ST3GAL3: variants seen among roughly 807,000 people sequenced by gnomAD.
The protein encoded by ST3GAL3 is ST3 beta-galactoside alpha-2,3-sialyltransferase 3.
A neutral mutation model predicts 50.1 loss-of-function variants in ST3GAL3; 21 were observed. The ratio of observed to expected loss-of-function variants is 0.42; its 90% confidence interval spans 0.30 to 0.60. The LOEUF (loss-of-function observed/expected upper bound fraction) is 0.60. Ranked by LOEUF, ST3GAL3 falls within the 20% of genes least tolerant of loss-of-function variation. The pLI is 0.19. For missense variants in ST3GAL3, 353 were observed against 489.4 expected, an observed-to-expected ratio of 0.72 and a Z score of 2.63; for synonymous variants, 183 against 190.0, an observed-to-expected ratio of 0.96 and a Z score of 0.30.
chr1:43,862,072 AG>A (rs1262819759), intron 5 of ST3GAL3, among the ~76,000 whole-genome samples: 2 of 151,330 alleles, frequency 1.3e-5, no homozygotes, highest in Non-Finnish European at 2.9e-5. Flanking sequence ...CTTTTACTTC[AG>A]TGAGTAACTT....
chr1:43,773,109 T>C (rs1364296389), intron 2 of ST3GAL3, among the ~76,000 whole-genome samples: 1 of 152,178 alleles, frequency 6.6e-6, no homozygotes, highest in African/African-American at 2.4e-5. Flanking sequence ...TTTTGAATGC[T>C]CTGATAAGTG....
chr1:43,728,873 A>G (rs1674292568), intron 1 of ST3GAL3, among the ~76,000 whole-genome samples: 1 of 152,104 alleles, frequency 6.6e-6, no homozygotes, highest in African/African-American at 2.4e-5. Flanking sequence ...ATATACACAC[A>G]CACACATATA....
intron 5 of ST3GAL3, among the ~76,000 whole-genome samples, chr1:43,888,118 A>G (rs896819902): frequency 2.6e-5 from 4 of 152,328 alleles, no homozygotes; most frequent in African/African-American, 7.2e-5. Context: ...ATAGTCTTAG[A>G]AGAGGTAAAG....
intron 3 of ST3GAL3, among the ~76,000 whole-genome samples, chr1:43,804,514 C>A (rs957480214): frequency 1.3e-5 from 2 of 152,058 alleles, no homozygotes; most frequent in Non-Finnish European, 2.9e-5. Context: ...AGCAGACAGA[C>A]GCCAGTGACT....
At chr1:43,749,735 A>G (rs1417419105) in intron 2 of ST3GAL3, among the ~76,000 whole-genome samples, 1 of 152,182 alleles carries the variant, frequency 6.6e-6, no homozygotes, top group African/African-American at 2.4e-5. Flanking sequence ...CCCCAGTGCA[A>G]CAGTGTTGGG....
chr1:43,849,884 T>C (rs972799850), intron 5 of ST3GAL3, among the ~76,000 whole-genome samples: 14 of 152,310 alleles, frequency 9.2e-5, no homozygotes, highest in African/African-American at 3.1e-4. Context: ...AGAGTGGCAG[T>C]GTGTACAAGC....
At chr1:43,719,113 C>A (rs575246061) in intron 1 of ST3GAL3, 1 of 152,340 alleles carries the variant, frequency 6.6e-6, no homozygotes, top group South Asian at 2.1e-4. Context: ...ACTGACTACT[C>A]ATCTTGCAGG....
At chr1:43,760,255 G>A (rs964760910) in intron 2 of ST3GAL3, among the ~76,000 whole-genome samples, 20 of 152,166 alleles carry the variant, frequency 1.3e-4, no homozygotes, top group Non-Finnish European at 2.9e-4. Context: ...GTGAAGACTA[G>A]AATTCTGAAA....
At position 43,718,185 on chromosome 1, in the gene ST3GAL3, C is replaced by CTTTTT. The variant is rs57506461; in HGVS notation, c.-31+10510_-31+10514dup. Among the ~76,000 whole-genome samples the CTTTTT allele has an allele frequency of 6.9e-3, 575 of 83,298 alleles. 18 individuals are homozygous for CTTTTT. The highest frequency in any genetic ancestry group is 0.01 in the Non-Finnish European group (467 of 46,216). The allele number at this position is 83,298 out of a possible 152,430, so 54.6% of individuals were successfully genotyped here. A position where few individuals can be genotyped will look rare whatever the true frequency, so the allele number is the denominator to read the frequency against. ...ACCACGCCCGGCTCTATCATTAAAT[C>CTTTTT]TTTTTTTTTTTTTTTTTTTTTTGAG... On this transcript the variant is annotated intron_variant, in intron 1 of 11. Transcript: ENST00000347631.
chr1:43,721,871 G>C lies in ST3GAL3; in HGVS notation c.-31+14178G>C, dbSNP rs183450324. On this transcript the variant is annotated intron_variant, in intron 1 of 11. Coordinates refer to ENST00000347631, the MANE Select transcript of ST3GAL3 (RefSeq NM_006279.5). ...CTGCCTTGGCCTCCCAAAGTGCTGG[G>C]CTTACAGGCGTGAGCCACATACCCG... Among the ~76,000 whole-genome samples, 69 of 152,130 alleles carry C rather than the reference G, an allele frequency of 4.5e-4. 2 individuals carry two copies. The East Asian group carries it at 0.012, about 27-fold the overall frequency.
intron 9 of ST3GAL3, among the ~76,000 whole-genome samples, chr1:43,901,155 T>C (rs1414712068): frequency 6.6e-6 from 1 of 152,218 alleles, no homozygotes; most frequent in Non-Finnish European, 1.5e-5. Context: ...TGGTAGGAAA[T>C]AGAGTCTGTC....
At position 43,921,054 on chromosome 1, in the gene ST3GAL3, A is replaced by G. The variant is rs1425634484; in HGVS notation, c.1038+126A>G. On this transcript the variant is annotated intron_variant, in intron 11 of 11. Coordinates refer to ENST00000347631, the MANE Select transcript of ST3GAL3 (RefSeq NM_006279.5). ...AACTCCCCAGAAGGTCCTGACACCA[A>G]GCATCCTACGTGCCCTCTCCACAGC... The G allele has an allele frequency of 3.5e-6, 4 of 1,159,118 alleles. No homozygotes were observed. In the Admixed American group the frequency reaches 6.2e-5, roughly 18 times the overall value. The allele number at this position is 1,159,118 out of a possible 1,614,324, so 71.8% of individuals were successfully genotyped here. A position where few individuals can be genotyped will look rare whatever the true frequency, so the allele number is the denominator to read the frequency against.
At chr1:43,894,264 A>G (rs780047984) in intron 5 of ST3GAL3, 119 bp from the exon 6 acceptor site, 10 of 957,134 alleles carry the variant, frequency 1.0e-5, no homozygotes, top group Non-Finnish European at 1.5e-5. Flanking sequence ...GGAGGGGGGT[A>G]TGCCGGAATG....
intron 4 of ST3GAL3, among the ~76,000 whole-genome samples, chr1:43,823,959 G>GT (rs1453935374): frequency 6.6e-6 from 1 of 152,136 alleles, no homozygotes; most frequent in Admixed American, 6.5e-5. Context: ...TTAGCTTTCT[G>GT]TTTTTTCCAA....
chr1:43,710,239 A>G lies in ST3GAL3; in HGVS notation c.-31+2546A>G, dbSNP rs181537899. The stretch of plus-strand genomic sequence containing the variant: ...TGGGACGACAGGCGTGTGCCACCAC[A>G]CCCGGCTAATTTTTGTATTTTTAAT... On this transcript the variant is annotated intron_variant, in intron 1 of 11. Transcript: ENST00000347631. 6.6e-3 allele frequency among the ~76,000 whole-genome samples: 1,008 copies of G among 152,172 alleles called. 4 individuals carry two copies. Among genetic ancestry groups the G allele is most frequent in the Non-Finnish European group, 0.011 (774 of 68,008 alleles).
intron 2 of ST3GAL3, among the ~76,000 whole-genome samples, chr1:43,760,504 C>T (rs1689864511): frequency 6.6e-6 from 1 of 152,170 alleles, no homozygotes; most frequent in South Asian, 2.1e-4. Context: ...GCCTGTAATC[C>T]CAGCACTTTG....
intron 4 of ST3GAL3, among the ~76,000 whole-genome samples, chr1:43,834,044 T>G (rs1487888449): frequency 6.6e-6 from 1 of 151,844 alleles, no homozygotes; most frequent in Non-Finnish European, 1.5e-5. Flanking sequence ...GCCTGTAACC[T>G]CAGCTTCTCG....
intron 5 of ST3GAL3, among the ~76,000 whole-genome samples, chr1:43,870,340 C>T (rs1005754353): frequency 6.6e-6 from 1 of 152,228 alleles, no homozygotes; most frequent in Non-Finnish European, 1.5e-5. Flanking sequence ...ATCCCATGAG[C>T]CCTGTTGAAT....
At chr1:43,765,796 CGCGCGTCCGCGCGTCCGCGT>C (rs1203071359) in intron 2 of ST3GAL3, among the ~76,000 whole-genome samples, 57 of 145,904 alleles carry the variant, frequency 3.9e-4, no homozygotes, top group African/African-American at 1.0e-3. Context: ...CGCGCGCGCG[CGCGCGTCCGCGCGTCCGCGT>C]GCGCTTTTTT....
Sources: allele counts gnomAD v4.1 joint callset (sites outside exome capture counted in the v4.1 genomes callset), GRCh38; gene constraint gnomAD v4.1.1; transcripts MANE v1.5; gene names NCBI Gene and HGNC (gene_info 2026-07-23, HGNC 2026-07-21).